The following DIP2C variants were observed in gnomAD, a reference collection of about 807,000 sequenced individuals.
The protein encoded by DIP2C is DIP2 acetate--CoA ligase C (putative), also known as disco-interacting protein 2 homolog C.
Under a neutral mutation model 192.4 loss-of-function variants are expected in DIP2C, and 33 were observed. The observed-to-expected ratio is 0.17, with a 90% CI of 0.13 to 0.23. The LOEUF (loss-of-function observed/expected upper bound fraction) is 0.23. DIP2C is among the 10% of genes least tolerant of loss of function. The pLI is 1.00. For missense variants in DIP2C, 1,537 were observed against 2,110.1 expected (o/e 0.73, Z 5.32); for synonymous variants, 979 against 864.1 (o/e 1.13, Z -2.33).
At chr10:367,395 C>G (rs948798743) in intron 18 of DIP2C, among the ~76,000 whole-genome samples, 4 of 147,584 alleles carry the variant, frequency 2.7e-5, no homozygotes, top group African/African-American at 5.0e-5. Flanking sequence ...CCAGCCTGGG[C>G]GACAGCGAGA....
chr10:348,881 C>T (rs917220773), intron 25 of DIP2C, 119 bp from the exon 26 acceptor site: 1 of 1,428,964 alleles, frequency 7.0e-7, no homozygotes, highest in Non-Finnish European at 9.5e-7. Context: ...AGCTGAGCTT[C>T]TCACAGCCTC....
chr10:481,788 G>A (rs1358986117), intron 2 of DIP2C, among the ~76,000 whole-genome samples: 4 of 152,170 alleles, frequency 2.6e-5, no homozygotes, highest in Non-Finnish European at 4.4e-5. Context: ...CTCGTACCAC[G>A]GTAGGGACGG....
At chr10:356,606 G>A in intron 23 of DIP2C, 100 bp from the exon 24 acceptor site, 1 of 955,374 alleles carries the variant, frequency 1.0e-6, no homozygotes, top group Non-Finnish European at 1.6e-6. Flanking sequence ...TAGAGGCTGA[G>A]TGCTTTGGGT....
intron 28 of DIP2C, among the ~76,000 whole-genome samples, 183 bp downstream of exon 28, chr10:344,622 ATCAG>A (rs769800942): frequency 3.3e-5 from 5 of 152,242 alleles, no homozygotes; most frequent in Non-Finnish European, 5.9e-5. Flanking sequence ...TTTGGACAGA[ATCAG>A]TCAGCCTGGT....
chr10:618,594 T>C (rs985808500), intron 1 of DIP2C, among the ~76,000 whole-genome samples: 4 of 62,698 alleles, frequency 6.4e-5, no homozygotes, highest in Admixed American at 3.4e-4. Flanking sequence ...AATTTAGTCA[T>C]GACTACTAAA....
chr10:582,568 G>A (rs980547912), intron 1 of DIP2C, among the ~76,000 whole-genome samples: 1 of 152,184 alleles, frequency 6.6e-6, no homozygotes, highest in Non-Finnish European at 1.5e-5. Flanking sequence ...GGGTGACAGA[G>A]CAAGACCCTG....
At chr10:678,558 C>T (rs1830958245) in intron 1 of DIP2C, among the ~76,000 whole-genome samples, 1 of 150,960 alleles carries the variant, frequency 6.6e-6, no homozygotes, top group African/African-American at 2.5e-5. Flanking sequence ...CTCCCCATGC[C>T]CATGCTCCCC....
intron 1 of DIP2C, among the ~76,000 whole-genome samples, chr10:626,190 C>T (rs1000052191): frequency 3.9e-5 from 6 of 152,202 alleles, no homozygotes; most frequent in Non-Finnish European, 8.8e-5. Context: ...TCCATGTGCA[C>T]CTGTGACGGG....
intron 2 of DIP2C, among the ~76,000 whole-genome samples, chr10:483,386 T>G (rs1359680934): frequency 6.6e-6 from 1 of 152,240 alleles, no homozygotes; most frequent in Non-Finnish European, 1.5e-5. Context: ...TGGAAACGTC[T>G]GCGTTCCTTG....
At chr10:618,404 G>A (rs537237344) in intron 1 of DIP2C, among the ~76,000 whole-genome samples, 24 of 152,302 alleles carry the variant, frequency 1.6e-4, no homozygotes, top group South Asian at 6.2e-4. Context: ...CCCCTGAGCC[G>A]GACGCCCGCA....
chr10:582,498 G>A (rs998154330), intron 1 of DIP2C, among the ~76,000 whole-genome samples: 1 of 152,176 alleles, frequency 6.6e-6, no homozygotes, highest in Non-Finnish European at 1.5e-5. Context: ...TGGGAGGATC[G>A]CCTGAGCCAG....
chr10:278,868 G>A (rs1954664218), intron 36 of DIP2C, among the ~76,000 whole-genome samples: 1 of 152,128 alleles, frequency 6.6e-6, no homozygotes, highest in Non-Finnish European at 1.5e-5. Context: ...CTTGGCTGAG[G>A]AGGCCAGAAG....
chr10:681,776 T>C (rs1455848955), intron 1 of DIP2C, among the ~76,000 whole-genome samples: 1 of 152,268 alleles, frequency 6.6e-6, no homozygotes, highest in Admixed American at 6.5e-5. Flanking sequence ...TTTCTCTCTG[T>C]GCAGAGCTCA....
At chr10:424,247 CACTT>C (rs1292220738) in intron 4 of DIP2C, among the ~76,000 whole-genome samples, 1 of 150,892 alleles carries the variant, frequency 6.6e-6, no homozygotes. Flanking sequence ...ACAATATACA[CACTT>C]ATTATCACTG....
intron 1 of DIP2C, among the ~76,000 whole-genome samples, chr10:556,484 C>A (rs964535954): frequency 3.3e-5 from 5 of 149,656 alleles, no homozygotes; most frequent in Middle Eastern, 3.4e-3. Context: ...GCCCTGGCAG[C>A]GGCCACCTGA....
chr10:337,686 C>G (rs1201984099), intron 29 of DIP2C, among the ~76,000 whole-genome samples: 2 of 141,158 alleles, frequency 1.4e-5, no homozygotes, highest in African/African-American at 5.4e-5. Flanking sequence ...TTGTGGAGGC[C>G]TAGGCAGCTG....
intron 31 of DIP2C, among the ~76,000 whole-genome samples, chr10:310,650 T>C (rs1956528332): frequency 6.6e-6 from 1 of 152,222 alleles, no homozygotes; most frequent in Non-Finnish European, 1.5e-5. Flanking sequence ...AGGGGCATTT[T>C]ATCCTGGAGA....
chr10:317,662 T>C (rs150024374), intron 31 of DIP2C, among the ~76,000 whole-genome samples: 190 of 152,352 alleles, frequency 1.2e-3, no homozygotes, highest in Non-Finnish European at 2.4e-3. Context: ...CACTTGAAGC[T>C]GTGCAGTTAC....
At chr10:529,483 T>C (rs1010624177) in intron 1 of DIP2C, among the ~76,000 whole-genome samples, 2 of 151,526 alleles carry the variant, frequency 1.3e-5, no homozygotes, top group African/African-American at 4.8e-5. Flanking sequence ...CAAAAGTTAG[T>C]TCTCAAAATA....
Sources: allele counts gnomAD v4.1 joint callset (sites outside exome capture counted in the v4.1 genomes callset), GRCh38; gene constraint gnomAD v4.1.1; transcripts MANE v1.5; gene names NCBI Gene and HGNC (gene_info 2026-07-23, HGNC 2026-07-21).